The following RHBDD1 variants were observed in gnomAD, a reference collection of about 807,000 sequenced individuals.
The protein encoded by RHBDD1 is rhomboid domain containing 1.
In RHBDD1, 38 loss-of-function variants were observed where a neutral mutation model predicts 36.3. That is an observed-to-expected ratio of 1.05 (90% CI 0.81 to 1.37). RHBDD1 has a LOEUF of 1.37. Ranked by LOEUF, RHBDD1 falls within the 40% of genes most tolerant of loss-of-function variation. The pLI is 0.00. For missense variants in RHBDD1, 393 were observed against 377.6 expected (o/e 1.04, Z -0.34); for synonymous variants, 151 against 136.5 (o/e 1.11, Z -0.74).
At chr2:226,818,537 C>A in the RHBDD1 span, among the ~76,000 whole-genome samples, 1 of 150,838 alleles carries the variant, frequency 6.6e-6, no homozygotes, top group Non-Finnish European at 1.5e-5. Flanking sequence ...ATTCTAGTTT[C>A]TCTTTAAAAA....
At chr2:226,826,920 A>G in the RHBDD1 span, among the ~76,000 whole-genome samples, 1 of 152,210 alleles carries the variant, frequency 6.6e-6, no homozygotes, top group South Asian at 2.1e-4. Context: ...AAAGATCATT[A>G]TAAGAATTTC....
chr2:226,875,106 T>C (rs1470613241), intron 5 of RHBDD1, among the ~76,000 whole-genome samples: 2 of 152,200 alleles, frequency 1.3e-5, no homozygotes, highest in Non-Finnish European at 2.9e-5. Flanking sequence ...CTTTCTAGGC[T>C]ATGAGCTTCT....
the RHBDD1 span, among the ~76,000 whole-genome samples, chr2:226,824,889 T>G: frequency 6.6e-6 from 1 of 152,152 alleles, no homozygotes; most frequent in Non-Finnish European, 1.5e-5. Context: ...GTTTATGAGG[T>G]TATGGATGTG....
intron 8 of RHBDD1, among the ~76,000 whole-genome samples, chr2:226,987,653 A>G (rs1957294863): frequency 6.6e-6 from 1 of 152,236 alleles, no homozygotes; most frequent in East Asian, 1.9e-4. Flanking sequence ...CTCTGGGTAC[A>G]GATGAGGGGC....
At chr2:226,859,873 C>G (rs989263432) in intron 3 of RHBDD1, among the ~76,000 whole-genome samples, 2 of 152,144 alleles carry the variant, frequency 1.3e-5, no homozygotes, top group African/African-American at 4.8e-5. Context: ...TTACTCTAAG[C>G]AGTGGTGGAA....
At chr2:226,882,887 A>C (rs1464510437) in intron 5 of RHBDD1, among the ~76,000 whole-genome samples, 1 of 152,154 alleles carries the variant, frequency 6.6e-6, no homozygotes, top group Non-Finnish European at 1.5e-5. Flanking sequence ...CTTCTAGGCT[A>C]CATTCTCACT....
At chr2:226,801,429 A>G in the RHBDD1 span, among the ~76,000 whole-genome samples, 1 of 152,180 alleles carries the variant, frequency 6.6e-6, no homozygotes, top group Non-Finnish European at 1.5e-5. Flanking sequence ...CATAGGCGCC[A>G]TTCAGGGGTG....
At chr2:226,876,115 A>C (rs1945219162) in intron 5 of RHBDD1, among the ~76,000 whole-genome samples, 1 of 152,198 alleles carries the variant, frequency 6.6e-6, no homozygotes, top group African/African-American at 2.4e-5. Context: ...CAAATCATAG[A>C]GGGCTTTGGA....
chr2:226,965,341 C>T (rs1952539529), intron 8 of RHBDD1, among the ~76,000 whole-genome samples: 1 of 152,226 alleles, frequency 6.6e-6, no homozygotes, highest in Admixed American at 6.5e-5. Context: ...TGTCAGACTT[C>T]TGGCTTCCCA....
intron 8 of RHBDD1, among the ~76,000 whole-genome samples, chr2:226,924,236 T>G (rs1432857528): frequency 2.0e-5 from 3 of 152,138 alleles, no homozygotes; most frequent in Non-Finnish European, 4.4e-5. Context: ...TGATGAATCC[T>G]GCTAGGATTG....
At position 226,997,388 on chromosome 2, in the gene RHBDD1, A is replaced by T. The variant is rs1016104966; in HGVS notation, c.*1866A>T. 1 of 152,192 alleles carries T rather than the reference A, an allele frequency of 6.6e-6. No individual in the cohort carries two copies. The highest frequency in any genetic ancestry group is 1.5e-5 in the Non-Finnish European group (1 of 68,052). The allele number at this position is 152,192 out of a possible 1,614,324, so 9.4% of individuals were successfully genotyped here. On this transcript the variant is annotated 3_prime_UTR_variant, in exon 9 of 9. Transcript: ENST00000392062. Reference sequence around the variant, plus strand: ...GCATTTGGTAATTCTGCTATAACACATCTTGCCCCTATTATTAACTGTGCA... The same window carrying T: ...GCATTTGGTAATTCTGCTATAACACTTCTTGCCCCTATTATTAACTGTGCA...
At position 226,929,365 on chromosome 2, in the gene RHBDD1, T is replaced by C. The variant is rs370990088; in HGVS notation, c.856+15014T>C. Among the ~76,000 whole-genome samples, 32 of 152,244 alleles carry C rather than the reference T, an allele frequency of 2.1e-4. No individual in the cohort carries two copies. The East Asian group carries it at 2.9e-3, about 14-fold the overall frequency. ...TTCAACATTCACAAGTCAATAAATGTGATTCATCACACAAACAGAATTAAA... is the reference window on the plus strand; with the variant it reads ...TTCAACATTCACAAGTCAATAAATGCGATTCATCACACAAACAGAATTAAA... On this transcript the variant is annotated intron_variant, in intron 8 of 8. Coordinates refer to ENST00000392062, the MANE Select transcript of RHBDD1 (RefSeq NM_001167608.3).
chr2:226,984,808 G>C (rs1318621366), intron 8 of RHBDD1, among the ~76,000 whole-genome samples: 1 of 151,852 alleles, frequency 6.6e-6, no homozygotes, highest in Non-Finnish European at 1.5e-5. Flanking sequence ...GTCAAACCAA[G>C]TTCTGAGTGT....
chr2:226,876,769 C>T (rs1372443155), intron 5 of RHBDD1, among the ~76,000 whole-genome samples: 1 of 151,986 alleles, frequency 6.6e-6, no homozygotes, highest in Non-Finnish European at 1.5e-5. Context: ...GAAATTAAAA[C>T]TAAGAATTAA....
intron 8 of RHBDD1, among the ~76,000 whole-genome samples, chr2:226,984,408 G>T (rs1167323821): frequency 6.6e-6 from 1 of 152,216 alleles, no homozygotes; most frequent in Non-Finnish European, 1.5e-5. Context: ...TTGGCAGAGA[G>T]TGCAAGCTCT....
chr2:226,807,108 C>A, the RHBDD1 span, among the ~76,000 whole-genome samples: 2 of 152,064 alleles, frequency 1.3e-5, no homozygotes, highest in African/African-American at 2.4e-5. Flanking sequence ...AGGCAAAAGG[C>A]AAATTAAGAA....
intron 5 of RHBDD1, among the ~76,000 whole-genome samples, chr2:226,904,420 G>C (rs1022234579): frequency 6.7e-6 from 1 of 148,964 alleles, no homozygotes; most frequent in African/African-American, 2.5e-5. Flanking sequence ...CAAGCGGGGG[G>C]GGAGGGGGGT....
chr2:226,868,012 C>T (rs998633468), intron 5 of RHBDD1, among the ~76,000 whole-genome samples: 5 of 152,182 alleles, frequency 3.3e-5, no homozygotes, highest in Non-Finnish European at 7.4e-5. Context: ...CCACCGCACC[C>T]GGCCGATCTA....
chr2:226,973,182 G>T (rs773361964), intron 8 of RHBDD1, among the ~76,000 whole-genome samples: 41 of 152,148 alleles, frequency 2.7e-4, no homozygotes, highest in Non-Finnish European at 5.4e-4. Context: ...ACTATATAGT[G>T]TTGATTGTCC....
Sources: gnomAD v4.1 joint callset for allele counts (sites outside exome capture counted in the v4.1 genomes callset) on GRCh38, gnomAD v4.1.1 for gene constraint, MANE v1.5 for transcripts, NCBI Gene and HGNC (gene_info 2026-07-23, HGNC 2026-07-21) for gene names.